Variants in ANO1 observed in about 807,000 individuals in gnomAD.
The protein encoded by ANO1 is anoctamin 1.
A neutral mutation model predicts 124.0 loss-of-function variants in ANO1; 59 were observed. The ratio of observed to expected loss-of-function variants is 0.48; its 90% CI spans 0.39 to 0.59. The LOEUF (loss-of-function observed/expected upper bound fraction) is 0.59. Ranked by LOEUF, ANO1 falls within the 20% of genes least tolerant of loss-of-function variation. The pLI is 0.00. For synonymous variants in ANO1, 529 were observed against 532.0 expected (o/e 0.99, Z 0.08); for missense variants, 1,059 against 1,328.0 (o/e 0.80, Z 3.15).
At chr11:70,037,122 T>C (rs2135046919) in intron 1 of ANO1, among the ~76,000 whole-genome samples, 1 of 152,268 alleles carries the variant, frequency 6.6e-6, no homozygotes, top group East Asian at 1.9e-4. Flanking sequence ...AGTCCCTGCC[T>C]TCAAGAGGTA....
At position 70,182,584 on chromosome 11, in the gene ANO1, G is replaced by T; in HGVS notation, c.2486G>T (p.Gly829Val). The change falls in exon 24 of 26, where the codon GGC (glycine) becomes GTC (valine). Residue 829 changes from glycine (G) to valine (V), a missense_variant. Transcript: ENST00000355303. ...TACAGTAAGAACGGGACCATGCACG[G>T]CTTCGTCAACCACACCCTCTCCTCC... is the stretch of plus-strand genomic sequence containing the variant. ...YMYSKNGTMH[G>V]FVNHTLSSFN... 1 of 1,613,638 alleles carries T rather than the reference G, an allele frequency of 6.2e-7. No homozygotes were observed. Among genetic ancestry groups the T allele is most frequent in the Non-Finnish European group, 8.5e-7 (1 of 1,179,740 alleles).
intron 1 of ANO1, among the ~76,000 whole-genome samples, chr11:69,988,417 G>C (rs544124264): frequency 3.3e-5 from 5 of 152,260 alleles, no homozygotes; most frequent in African/African-American, 1.2e-4. Flanking sequence ...AAGTCCGGAG[G>C]GTGGCTGTGA....
At chr11:70,132,207 G>T in intron 11 of ANO1, 128 bp downstream of exon 11, 1 of 1,273,716 alleles carries the variant, frequency 7.9e-7, no homozygotes. Context: ...TAGGGGAAGG[G>T]GGCTGGTGGA....
chr11:69,981,406 C>T (rs540171481), upstream of ANO1, among the ~76,000 whole-genome samples: 8 of 152,336 alleles, frequency 5.3e-5, no homozygotes, highest in South Asian at 4.1e-4. Flanking sequence ...ATTTATTAAG[C>T]GCTTGGAACG....
At chr11:70,163,709 C>T (rs2048143608) in intron 19 of ANO1, 2 of 477,850 alleles carry the variant, frequency 4.2e-6, no homozygotes, top group African/African-American at 2.0e-5. Flanking sequence ...GGCCGAGACT[C>T]GTGGATCACC....
At chr11:70,039,145 TAGTAAGTCTGGAATAGGA>T (rs1305330267) in intron 1 of ANO1, among the ~76,000 whole-genome samples, 1 of 152,192 alleles carries the variant, frequency 6.6e-6, no homozygotes, top group Non-Finnish European at 1.5e-5. Flanking sequence ...GGAATACTTC[TAGTAAGTCTGGAATAGGA>T]AGTAAGGCAG....
At chr11:70,125,208 T>C (rs1016304082) in intron 9 of ANO1, among the ~76,000 whole-genome samples, 7 of 152,290 alleles carry the variant, frequency 4.6e-5, no homozygotes, top group South Asian at 4.1e-4. Flanking sequence ...CTGGCAGTGA[T>C]GGTGCATGCC....
chr11:70,039,962 C>T (rs1237272131), intron 1 of ANO1, among the ~76,000 whole-genome samples: 2 of 152,112 alleles, frequency 1.3e-5, no homozygotes, highest in African/African-American at 4.8e-5. Flanking sequence ...TGCTAGATGA[C>T]CCAGAAGGAG....
At chr11:70,181,310 T>C (rs578030223) in intron 23 of ANO1, among the ~76,000 whole-genome samples, 12 of 152,168 alleles carry the variant, frequency 7.9e-5, no homozygotes, top group African/African-American at 2.9e-4. Flanking sequence ...GCCCTGGGAC[T>C]CAGTCCCCAC....
intron 1 of ANO1, among the ~76,000 whole-genome samples, chr11:69,987,260 C>T (rs1028019253): frequency 2.0e-5 from 3 of 152,208 alleles, no homozygotes; most frequent in South Asian, 2.1e-4. Flanking sequence ...CCTTCCTGAG[C>T]GGCTTCCTCA....
chr11:70,135,868 G>C (rs967609270), intron 11 of ANO1, among the ~76,000 whole-genome samples: 1 of 152,220 alleles, frequency 6.6e-6, no homozygotes, highest in Non-Finnish European at 1.5e-5. Context: ...CTTGTTTTGG[G>C]AGCCCAAAGC....
chr11:70,168,225 C>T (rs2048328161), intron 21 of ANO1, among the ~76,000 whole-genome samples: 2 of 152,224 alleles, frequency 1.3e-5, no homozygotes, highest in Admixed American at 1.3e-4. Flanking sequence ...TGCTGCTCCC[C>T]AGCCCCGTGG....
intron 1 of ANO1, among the ~76,000 whole-genome samples, chr11:70,020,208 A>G (rs1162612424): frequency 6.6e-6 from 1 of 152,172 alleles, no homozygotes; most frequent in Non-Finnish European, 1.5e-5. Flanking sequence ...CCATGAGCAC[A>G]TGTGTCTGAT....
Position 70,162,549 on chromosome 11 carries a change from T to A in ANO1, c.1893-734T>A, listed in dbSNP as rs3781656. ...AGTGAAACCTTCCACGCCTGGGCCC[T>A]CTGGAGCCATCCCAGGCTGCGGTGG... On this transcript the variant is annotated intron_variant, in intron 18 of 25. Coordinates refer to ENST00000355303, the MANE Select transcript of ANO1 (RefSeq NM_018043.7). Among the ~76,000 whole-genome samples, 10 of 151,962 alleles carry A rather than the reference T, an allele frequency of 6.6e-5. No homozygotes were observed. In the South Asian group the frequency reaches 1.9e-3, roughly 28 times the overall value.
intron 1 of ANO1, among the ~76,000 whole-genome samples, chr11:70,025,492 C>G (rs1427283362): frequency 2.1e-5 from 3 of 144,432 alleles, no homozygotes; most frequent in Non-Finnish European, 4.5e-5. Context: ...GAGGTGATGA[C>G]AATGATGGCG....
intron 2 of ANO1, among the ~76,000 whole-genome samples, chr11:70,101,528 C>A (rs1376799415): frequency 7.2e-6 from 1 of 139,706 alleles, no homozygotes; most frequent in African/African-American, 2.8e-5. Flanking sequence ...TGCATTCCAG[C>A]CTGGGAAACA....
chr11:70,149,149 G>A (rs762384467), intron 11 of ANO1, among the ~76,000 whole-genome samples: 32 of 152,066 alleles, frequency 2.1e-4, no homozygotes, highest in Non-Finnish European at 4.1e-4. Context: ...GTTGAGGCAC[G>A]GGCTCTCAGA....
intron 1 of ANO1, among the ~76,000 whole-genome samples, chr11:69,997,713 T>A (rs1289554410): frequency 2.0e-5 from 3 of 152,188 alleles, no homozygotes; most frequent in African/African-American, 7.2e-5. Flanking sequence ...TGGCAACCGT[T>A]CCCCTTAGCG....
At chr11:69,975,851 T>C in the ANO1 span, among the ~76,000 whole-genome samples, 1 of 152,208 alleles carries the variant, frequency 6.6e-6, no homozygotes, top group African/African-American at 2.4e-5. Context: ...CAGTTGAACT[T>C]TGCATGATTT....
Sources: allele counts gnomAD v4.1 joint callset (sites outside exome capture counted in the v4.1 genomes callset), GRCh38; gene constraint gnomAD v4.1.1; transcripts MANE v1.5; gene names NCBI Gene and HGNC (gene_info 2026-07-23, HGNC 2026-07-21).